Variants in CAMTA1 observed in about 807,000 individuals in gnomAD.
CAMTA1 encodes calmodulin-binding transcription activator 1.
Under a neutral mutation model 170.9 loss-of-function variants are expected in CAMTA1, and 27 were observed. That is an observed-to-expected ratio of 0.16 (90% confidence interval 0.12 to 0.22). The LOEUF is 0.22. Ranked by LOEUF, CAMTA1 falls within the 10% of genes least tolerant of loss-of-function variation. CAMTA1 has a pLI of 1.00. For missense variants in CAMTA1, 1,619 were observed against 2,217.2 expected (o/e 0.73, Z 5.42); for synonymous variants, 833 against 891.5 (o/e 0.93, Z 1.17).
chr1:7,535,949 C>T (rs945501775), intron 6 of CAMTA1, among the ~76,000 whole-genome samples: 40 of 152,368 alleles, frequency 2.6e-4, no homozygotes, highest in East Asian at 3.9e-4. Flanking sequence ...GAACAAAATG[C>T]ACTACACGAT....
chr1:7,687,692 G>C (rs1468689102), intron 11 of CAMTA1, among the ~76,000 whole-genome samples: 1 of 152,166 alleles, frequency 6.6e-6, no homozygotes, highest in African/African-American at 2.4e-5. Context: ...AGGTCCGTGG[G>C]CCCCAGGAGG....
intron 3 of CAMTA1, among the ~76,000 whole-genome samples, chr1:6,920,850 G>A (rs890068065): frequency 1.3e-5 from 2 of 152,164 alleles, no homozygotes; most frequent in Admixed American, 6.5e-5. Context: ...CAAGTCCCTG[G>A]GCTGCACACT....
intron 6 of CAMTA1, among the ~76,000 whole-genome samples, chr1:7,631,385 C>T (rs2148860205): frequency 6.6e-6 from 1 of 152,326 alleles, no homozygotes; most frequent in African/African-American, 2.4e-5. Flanking sequence ...GAGATCATGA[C>T]TTCAAGCAGG....
intron 22 of CAMTA1, among the ~76,000 whole-genome samples, chr1:7,763,253 T>C (rs1452851577): frequency 6.6e-6 from 1 of 151,872 alleles, no homozygotes; most frequent in Admixed American, 6.6e-5. Context: ...CATTTTCCCC[T>C]TTTTTTTCTA....
chr1:6,927,048 TA>T (rs763491255), intron 3 of CAMTA1, among the ~76,000 whole-genome samples: 1 of 151,662 alleles, frequency 6.6e-6, no homozygotes, highest in South Asian at 2.1e-4. Flanking sequence ...CCTCGGTGAT[TA>T]TTTTTTTTTT....
chr1:7,084,611 C>T (rs1429694936), intron 3 of CAMTA1, among the ~76,000 whole-genome samples: 1 of 152,230 alleles, frequency 6.6e-6, no homozygotes, highest in African/African-American at 2.4e-5. Context: ...CCCTGCTCTC[C>T]TTGAAGCGTG....
intron 3 of CAMTA1, among the ~76,000 whole-genome samples, chr1:6,840,392 G>A (rs1296738632): frequency 6.6e-6 from 1 of 152,136 alleles, no homozygotes; most frequent in African/African-American, 2.4e-5. Flanking sequence ...AAGAAATGAC[G>A]GTGGGGGTGG....
At chr1:7,764,480 A>G (rs928969477) in intron 22 of CAMTA1, among the ~76,000 whole-genome samples, 46 of 152,364 alleles carry the variant, frequency 3.0e-4, no homozygotes, top group African/African-American at 1.1e-3. Context: ...CATCTTCTCT[A>G]TGAAGAGATT....
intron 5 of CAMTA1, among the ~76,000 whole-genome samples, chr1:7,411,327 G>A (rs1575170463): frequency 1.3e-5 from 2 of 152,058 alleles, no homozygotes; most frequent in Middle Eastern, 3.2e-3. Context: ...ATGTTTCAGC[G>A]TCCTATAAGA....
chr1:7,465,328 T>C (rs2093185121), intron 5 of CAMTA1, among the ~76,000 whole-genome samples: 1 of 152,092 alleles, frequency 6.6e-6, no homozygotes. Context: ...ATGGAAGGGG[T>C]CCCATTCCCT....
At chr1:7,694,474 G>T (rs1377627133) in intron 11 of CAMTA1, 1 of 152,284 alleles carries the variant, frequency 6.6e-6, no homozygotes, top group Non-Finnish European at 1.5e-5. Context: ...GACTGCTAAG[G>T]TCATTATTCT....
intron 3 of CAMTA1, among the ~76,000 whole-genome samples, chr1:7,077,539 G>C (rs1639459978): frequency 6.6e-6 from 1 of 152,050 alleles, no homozygotes; most frequent in Non-Finnish European, 1.5e-5. Flanking sequence ...TAGATAATGG[G>C]ATTCCATTAT....
intron 7 of CAMTA1, among the ~76,000 whole-genome samples, chr1:7,648,557 C>T (rs111563194): frequency 7.2e-5 from 11 of 152,276 alleles, no homozygotes; most frequent in African/African-American, 2.2e-4. Context: ...CACTTAGAGG[C>T]GTGTTCCAGG....
rs898458704 is a variant in CAMTA1, at chr1:7,585,817, C to A, written c.511-54583C>A. On this transcript the variant is annotated intron_variant, in intron 6 of 22. Coordinates refer to ENST00000303635, the MANE Select transcript of CAMTA1 (RefSeq NM_015215.4). The surrounding 1 kb of genome is among the most constrained non-coding windows in gnomAD (Gnocchi z 4.8). ...TCCCTCATCCACCTCCAGCTTCCTG[C>A]TGCGGGGCCTTAGTAGACTCAGCCC... 3.9e-5 allele frequency among the ~76,000 whole-genome samples: 6 copies of A among 151,904 alleles called. No homozygotes were observed. The highest frequency in any genetic ancestry group is 8.8e-5 in the Non-Finnish European group (6 of 68,010).
intron 3 of CAMTA1, among the ~76,000 whole-genome samples, chr1:6,903,233 T>C (rs1207475967): frequency 2.6e-5 from 4 of 152,342 alleles, no homozygotes; most frequent in Non-Finnish European, 1.5e-5. Flanking sequence ...CAAAAGTGTT[T>C]TCTTAAGAGT....
rs1039116399 is a variant in CAMTA1 at position 6,787,915 on chromosome 1, A to G, written c.45+2340A>G. Among the ~76,000 whole-genome samples, 22 of 152,056 alleles carry G rather than the reference A, an allele frequency of 1.4e-4. No homozygotes were observed. The Middle Eastern group carries it at 0.01, about 71-fold the overall frequency. Reference sequence around the variant, plus strand: ...CGTGTGTTTGGACAAACGACAGGAGATGGGTGAGAAGAATATGTTTTCCTG... The same window carrying G: ...CGTGTGTTTGGACAAACGACAGGAGGTGGGTGAGAAGAATATGTTTTCCTG... On this transcript the variant is annotated intron_variant, in intron 1 of 22. Transcript: ENST00000303635.
chr1:6,814,371 C>T (rs748788414), intron 1 of CAMTA1, among the ~76,000 whole-genome samples: 7 of 152,166 alleles, frequency 4.6e-5, no homozygotes, highest in Non-Finnish European at 8.8e-5. Context: ...AAATTCTAGC[C>T]AGTGGGGTGA....
intron 5 of CAMTA1, among the ~76,000 whole-genome samples, chr1:7,310,617 T>G (rs915693083): frequency 1.9e-3 from 6 of 3,214 alleles, no homozygotes; most frequent in African/African-American, 3.4e-3. Context: ...TCTTTCTTTC[T>G]TTCTTTCTTT....
chr1:7,149,444 C>G (rs529374750), intron 4 of CAMTA1, among the ~76,000 whole-genome samples: 1 of 152,322 alleles, frequency 6.6e-6, no homozygotes, highest in East Asian at 1.9e-4. Flanking sequence ...GTGTGTCCCT[C>G]TCCAGCCCCT....
Sources: allele counts gnomAD v4.1 joint callset (sites outside exome capture counted in the v4.1 genomes callset), GRCh38; gene constraint gnomAD v4.1.1; non-coding constraint Gnocchi (gnomAD v3.1); transcripts MANE v1.5; gene names NCBI Gene and HGNC (gene_info 2026-07-23, HGNC 2026-07-21).